The following UGT1A8 variants were observed in gnomAD, a reference collection of about 807,000 sequenced individuals.
UGT1A8 encodes the protein UDP glucuronosyltransferase family 1 member A8, also known as UDP-glucuronosyltransferase 1A8.
UGT1A8 carries 39 observed loss-of-function variants against 45.3 expected under a neutral mutation model. That is an observed-to-expected ratio of 0.86 (90% CI 0.67 to 1.12). The LOEUF (loss-of-function observed/expected upper bound fraction) is 1.12, where lower values mean the gene tolerates loss of function less well. UGT1A8 is among the 50% of genes most tolerant of loss of function. UGT1A8 has a pLI of 0.00. For synonymous variants in UGT1A8, 275 were observed against 249.2 expected (o/e 1.10, Z -0.97); for missense variants, 719 against 664.9 (o/e 1.08, Z -0.90).
rs1249331325 is a variant in UGT1A8 at position 233,743,910 on chromosome 2, C to T, written c.856-23124C>T. ...GGCACGTCCAGCACCTCGTAGTAGT[C>T]CACCATGCTGGATGGCCAGAACGGC... On this transcript the variant is annotated intron_variant, in intron 1 of 4. Coordinates refer to ENST00000373450, the MANE Select transcript of UGT1A8 (RefSeq NM_019076.5). The T allele has an allele frequency of 1.3e-5, 18 of 1,365,836 alleles. No homozygotes were observed. In the South Asian group the frequency reaches 2.0e-4, roughly 16 times the overall value. The allele number at this position is 1,365,836 out of a possible 1,614,324, so 84.6% of individuals were successfully genotyped here.
rs114514275 is a variant in UGT1A8 at position 233,742,148 on chromosome 2, C to T, written c.856-24886C>T. On this transcript the variant is annotated intron_variant, in intron 1 of 4. Transcript: ENST00000373450. ...GAGACCCTAACCCAGCAGCGCTAGA[C>T]GAATTAAAGACACACACACAGAAAT... 2.7e-3 allele frequency among the ~76,000 whole-genome samples: 409 copies of T among 151,916 alleles called. 4 individuals carry two copies. Among genetic ancestry groups the T allele is most frequent in the Middle Eastern group, 6.8e-3 (2 of 294 alleles).
At chr2:233,646,113 C>T (rs1208432057) in intron 1 of UGT1A8, among the ~76,000 whole-genome samples, 1 of 152,212 alleles carries the variant, frequency 6.6e-6, no homozygotes, top group Non-Finnish European at 1.5e-5. Context: ...CAAGGCTCGG[C>T]ACTTGCACCT....
At chr2:233,620,024 AT>A (rs2072972165) in intron 1 of UGT1A8, among the ~76,000 whole-genome samples, 1 of 152,090 alleles carries the variant, frequency 6.6e-6, no homozygotes, top group Non-Finnish European at 1.5e-5. Flanking sequence ...CTGGTGTCTC[AT>A]CTCATTATAT....
chr2:233,620,507 G>A (rs1237411805), intron 1 of UGT1A8, among the ~76,000 whole-genome samples: 2 of 151,926 alleles, frequency 1.3e-5, no homozygotes, highest in Non-Finnish European at 2.9e-5. Flanking sequence ...CCTACGATAG[G>A]GAGATATCCA....
chr2:233,715,620 A>G (rs1253774011), intron 1 of UGT1A8, among the ~76,000 whole-genome samples: 1 of 151,982 alleles, frequency 6.6e-6, no homozygotes, highest in Non-Finnish European at 1.5e-5. Flanking sequence ...AAAAATTAAA[A>G]AATTATCCAG....
intron 1 of UGT1A8, among the ~76,000 whole-genome samples, chr2:233,660,711 C>T (rs1207136868): frequency 6.6e-6 from 1 of 152,188 alleles, no homozygotes. Context: ...GTGCCCGCTT[C>T]TCTTCCTTAC....
chr2:233,654,600 A>G (rs1285225606), intron 1 of UGT1A8, among the ~76,000 whole-genome samples: 1 of 152,254 alleles, frequency 6.6e-6, no homozygotes, highest in East Asian at 1.9e-4. Context: ...GAAATGAAAT[A>G]AACCACAGCC....
At chr2:233,682,792 G>A in intron 1 of UGT1A8, 1 of 1,611,130 alleles carries the variant, frequency 6.2e-7, no homozygotes, top group South Asian at 1.1e-5. Flanking sequence ...CAGTGCCTAT[G>A]GTAAGTTATC....
In UGT1A8 at chr2:233,728,580, C is replaced by T. The variant is rs28898616; in HGVS notation, c.856-38454C>T. ...ACAAGAAATATCCTGGTGCGAAAAA[C>T]GACCAAAACCACATAGCCAGCCTCC... On this transcript the variant is annotated intron_variant, in intron 1 of 4. Transcript: ENST00000373450. Among the ~76,000 whole-genome samples, 824 of 152,300 alleles carry T rather than the reference C, an allele frequency of 5.4e-3. 4 individuals are homozygous for T. Among genetic ancestry groups the T allele is most frequent in the African/African-American group, 0.019 (777 of 41,552 alleles).
chr2:233,689,964 AG>A (rs2074968353), intron 1 of UGT1A8: 1 of 456,150 alleles, frequency 2.2e-6, no homozygotes, highest in Non-Finnish European at 4.4e-6. Flanking sequence ...CCATGCTTGG[AG>A]GAACCCACAG....
At chr2:233,736,342 C>T (rs549805148) in intron 1 of UGT1A8, among the ~76,000 whole-genome samples, 123 of 152,282 alleles carry the variant, frequency 8.1e-4, no homozygotes, top group Admixed American at 3.1e-3. Flanking sequence ...AGTTCTTGTG[C>T]CATGGTTTTC....
At position 233,769,833 on chromosome 2, in the gene UGT1A8, G is replaced by A. The variant is rs567832844; in HGVS notation, c.1295+1394G>A. The A allele has an allele frequency of 4.3e-4, 293 of 685,174 alleles. No homozygotes were observed. The African/African-American group carries it at 5.2e-3, about 12-fold the overall frequency. The allele number at this position is 685,174 out of a possible 1,614,324, so 42.4% of individuals were successfully genotyped here. On this transcript the variant is annotated intron_variant, in intron 4 of 4. Coordinates refer to ENST00000373450, the MANE Select transcript of UGT1A8 (RefSeq NM_019076.5). The surrounding 1 kb of genome is among the most constrained non-coding windows in gnomAD (Gnocchi z 4.4). ...TCATGCCACTGCACTCCAGCAACCT[G>A]GGCAACAGAGTGAGACCCTGTCTCA...
chr2:233,702,024 A>C (rs962229706), intron 1 of UGT1A8, among the ~76,000 whole-genome samples: 4 of 152,074 alleles, frequency 2.6e-5, no homozygotes, highest in East Asian at 1.9e-4. Flanking sequence ...TAGAGACACA[A>C]AAAAAAACCC....
chr2:233,661,789 T>C, intron 1 of UGT1A8, among the ~76,000 whole-genome samples: 1 of 151,836 alleles, frequency 6.6e-6, no homozygotes, highest in Non-Finnish European at 1.5e-5. Flanking sequence ...ACTTTTCTTG[T>C]AATATCATGA....
At chr2:233,675,038 T>C (rs1053118583) in intron 1 of UGT1A8, among the ~76,000 whole-genome samples, 4 of 152,176 alleles carry the variant, frequency 2.6e-5, no homozygotes, top group African/African-American at 7.2e-5. Context: ...TTTGCACATG[T>C]ATGTGTTTGT....
intron 1 of UGT1A8, among the ~76,000 whole-genome samples, chr2:233,764,915 C>A (rs892234743): frequency 6.6e-6 from 1 of 152,136 alleles, no homozygotes; most frequent in Non-Finnish European, 1.5e-5. Context: ...AGAGGACTCA[C>A]GAGGGCCTGG....
intron 1 of UGT1A8, chr2:233,718,649 C>A: frequency 6.7e-7 from 1 of 1,503,052 alleles, no homozygotes; most frequent in South Asian, 1.3e-5. Flanking sequence ...GGGCCCATAA[C>A]GAAAGGCAGT....
At chr2:233,754,443 A>G (rs925752742) in intron 1 of UGT1A8, 4 of 350,446 alleles carry the variant, frequency 1.1e-5, no homozygotes, top group Admixed American at 3.9e-5. Context: ...GTGTTTATAA[A>G]TTCTTGGGTA....
At chr2:233,691,487 T>A (rs1274389934) in intron 1 of UGT1A8, 3 of 985,586 alleles carry the variant, frequency 3.0e-6, no homozygotes, top group Non-Finnish European at 3.6e-6. Context: ...AACTTGTGGG[T>A]GGGAACAGGA....
Sources: allele counts gnomAD v4.1 joint callset (sites outside exome capture counted in the v4.1 genomes callset), GRCh38; gene constraint gnomAD v4.1.1; non-coding constraint Gnocchi (gnomAD v3.1); transcripts MANE v1.5; gene names NCBI Gene and HGNC (gene_info 2026-07-23, HGNC 2026-07-21).